The following ZNF566 variants were observed in gnomAD, a reference collection of about 807,000 sequenced individuals.
ZNF566 encodes the protein zinc finger protein 566.
ZNF566 carries 27 observed loss-of-function variants against 32.8 expected under a neutral mutation model. That is an observed-to-expected ratio of 0.82 (90% CI 0.61 to 1.14). The LOEUF (loss-of-function observed/expected upper bound fraction) is 1.14, where lower values mean the gene tolerates loss of function less well. ZNF566 is among the 50% of genes most tolerant of loss of function. ZNF566 has a pLI of 0.00. For missense variants in ZNF566, 402 were observed against 490.4 expected (o/e 0.82, Z 1.70); for synonymous variants, 154 against 159.5 (o/e 0.97, Z 0.26).
At chr19:36,470,667 T>C (rs1265465534) in intron 4 of ZNF566, among the ~76,000 whole-genome samples, 2 of 152,192 alleles carry the variant, frequency 1.3e-5, no homozygotes, top group Non-Finnish European at 2.9e-5. Context: ...TCCCAGCACG[T>C]TGGGAGGCCG....
At chr19:36,478,204 T>C (rs1458177508) in intron 1 of ZNF566, among the ~76,000 whole-genome samples, 1 of 152,156 alleles carries the variant, frequency 6.6e-6, no homozygotes, top group Non-Finnish European at 1.5e-5. Flanking sequence ...GTGTCTCTTC[T>C]TTAAAACCTA....
At chr19:36,455,745 A>G (rs1457645569) in intron 4 of ZNF566, among the ~76,000 whole-genome samples, 6 of 150,562 alleles carry the variant, frequency 4.0e-5, no homozygotes, top group Non-Finnish European at 7.4e-5. Context: ...GTCTCAAAAA[A>G]AAAGAAGTAA....
chr19:36,449,783 T>C lies in ZNF566; in HGVS notation c.451A>G (p.Thr151Ala), dbSNP rs1484085607. ...GTGAAGGATGGATGGTGACTCAAAG[T>C]GGGCAGATCTTCATGAGTGAATACC... ...QLVFTHEDLPTLSHHPSFTLQ... is the reference protein window; with the variant it reads ...QLVFTHEDLPALSHHPSFTLQ... Residue 151 changes from threonine to alanine, a missense_variant, in exon 5 of 5, where the codon ACT becomes GCT. Thr to Ala is a moderately conservative substitution (Grantham distance 58, BLOSUM62 0). Transcript: ENST00000452939. 4 of 1,614,196 alleles carry C rather than the reference T, an allele frequency of 2.5e-6. No homozygotes were observed. The East Asian group carries it at 8.9e-5, about 36-fold the overall frequency.
intron 1 of ZNF566, among the ~76,000 whole-genome samples, chr19:36,480,380 G>C (rs907120221): frequency 6.6e-6 from 1 of 150,440 alleles, no homozygotes. Flanking sequence ...TGCCTCCCAG[G>C]TTCAAGCAAT....
At chr19:36,456,158 A>C (rs2033304249) in intron 4 of ZNF566, among the ~76,000 whole-genome samples, 1 of 152,144 alleles carries the variant, frequency 6.6e-6, no homozygotes, top group African/African-American at 2.4e-5. Context: ...TCCCATGTAT[A>C]ATAACATCAA....
chr19:36,465,935 GA>G (rs924511956), intron 4 of ZNF566, among the ~76,000 whole-genome samples: 1 of 151,030 alleles, frequency 6.6e-6, no homozygotes, highest in Non-Finnish European at 1.5e-5. Context: ...AGTATAAATG[GA>G]AAAACAGATA....
At chr19:36,462,975 A>AAAAAAAAAAAAAAAC in intron 4 of ZNF566, among the ~76,000 whole-genome samples, 1 of 147,000 alleles carries the variant, frequency 6.8e-6, no homozygotes, top group Non-Finnish European at 1.5e-5. Context: ...AAAAAAAAAA[A>AAAAAAAAAAAAAAAC]AAAAAAAAAA....
intron 4 of ZNF566, among the ~76,000 whole-genome samples, chr19:36,468,185 CA>C (rs34868021): frequency 0.52 from 53,215 of 101,928 alleles, 9,665 homozygotes; most frequent in African/African-American, 0.57. Context: ...AACTCTGCCT[CA>C]AAAAAAAAAA....
intron 1 of ZNF566, among the ~76,000 whole-genome samples, chr19:36,481,142 A>G (rs1392108542): frequency 6.6e-6 from 1 of 152,144 alleles, no homozygotes; most frequent in African/African-American, 2.4e-5. Context: ...AGACTCTGAA[A>G]TGTTCAAACA....
At chr19:36,451,876 C>A (rs1278322864) in intron 4 of ZNF566, among the ~76,000 whole-genome samples, 1 of 151,914 alleles carries the variant, frequency 6.6e-6, no homozygotes, top group Non-Finnish European at 1.5e-5. Flanking sequence ...TGTGGTAGCA[C>A]ATGCACTGTA....
chr19:36,458,967 C>A (rs1276777926), intron 4 of ZNF566, among the ~76,000 whole-genome samples: 1 of 152,182 alleles, frequency 6.6e-6, no homozygotes. Flanking sequence ...GCTTCTCTTG[C>A]CTCAGCCTCC....
intron 4 of ZNF566, among the ~76,000 whole-genome samples, chr19:36,456,944 T>C (rs1023160846): frequency 4.6e-5 from 7 of 152,158 alleles, no homozygotes; most frequent in Non-Finnish European, 1.0e-4. Context: ...AAGGTAATCT[T>C]GAACAAGAAG....
At position 36,479,871 on chromosome 19, in the gene ZNF566, T is replaced by G. The variant is rs1221365459; in HGVS notation, c.-59-3255A>C. 2.0e-5 allele frequency among the ~76,000 whole-genome samples: 3 copies of G among 152,178 alleles called. No homozygotes were observed. In the East Asian group the frequency reaches 5.8e-4, roughly 29 times the overall value. ...TTAGTTGTTTTTTTGTTTTTGTTTT[T>G]GTTTTGGTAGAGACAGGGTCTCACT... On this transcript the variant is annotated intron_variant, in intron 1 of 4. Transcript: ENST00000452939.
rs368220326 is a variant in ZNF566 at position 36,445,279 on chromosome 19, G to C, written c.*3698C>G. 6.6e-5 allele frequency: 10 copies of C among 152,240 alleles called. No individual in the cohort carries two copies. The highest frequency in any genetic ancestry group is 2.4e-4 in the African/African-American group (10 of 41,568). The allele number at this position is 152,240 out of a possible 1,614,324, so 9.4% of individuals were successfully genotyped here. A position where few individuals can be genotyped will look rare whatever the true frequency, so the allele number is the denominator to read the frequency against. ...GTGAGCATTTAATATACAACTGATA[G>C]TATTTTAATTCAGTAGGAGAAAGGT... On this transcript the variant is annotated 3_prime_UTR_variant, in exon 5 of 5. Coordinates refer to ENST00000452939, the MANE Select transcript of ZNF566 (RefSeq NM_001145344.1).
chr19:36,486,305 C>A (rs1449069998), intron 1 of ZNF566, among the ~76,000 whole-genome samples: 1 of 152,150 alleles, frequency 6.6e-6, no homozygotes, highest in African/African-American at 2.4e-5. Context: ...CATAAATTTC[C>A]TGGTTTTCAT....
chr19:36,467,530 C>A (rs2145674335), intron 4 of ZNF566, among the ~76,000 whole-genome samples: 1 of 150,594 alleles, frequency 6.6e-6, no homozygotes, highest in South Asian at 2.1e-4. Flanking sequence ...GGCACGGTGG[C>A]TCAAGACTAT....
chr19:36,473,308 A>C (rs1402530025), intron 3 of ZNF566, 24 bp downstream of exon 3: 1 of 1,613,508 alleles, frequency 6.2e-7, no homozygotes, highest in Admixed American at 1.7e-5. Context: ...CAGAATCTAA[A>C]TTACTATGGA....
intron 4 of ZNF566, among the ~76,000 whole-genome samples, chr19:36,470,824 C>T (rs570047147): frequency 4.3e-4 from 66 of 152,016 alleles, no homozygotes; most frequent in South Asian, 1.5e-3. Flanking sequence ...GCACGAGAAT[C>T]GCTTGAACCC....
rs1166679932 is a variant in ZNF566 at position 36,448,926 on chromosome 19, T to C, written c.*51A>G. On this transcript the variant is annotated 3_prime_UTR_variant, in exon 5 of 5. Transcript: ENST00000452939. ...GGAATTATTAACAAGATAAATTCTG[T>C]TTTGAGCCATAATTAAAAGCCTCCC... The C allele has an allele frequency of 1.4e-6, 2 of 1,419,426 alleles. No homozygotes were observed. Among genetic ancestry groups the C allele is most frequent in the Non-Finnish European group, 9.5e-7 (1 of 1,055,378 alleles). The allele number at this position is 1,419,426 out of a possible 1,614,324, so 87.9% of individuals were successfully genotyped here.
Sources: gnomAD v4.1 joint callset for allele counts (sites outside exome capture counted in the v4.1 genomes callset) on GRCh38, gnomAD v4.1.1 for gene constraint, MANE v1.5 for transcripts, NCBI Gene and HGNC (gene_info 2026-07-23, HGNC 2026-07-21) for gene names.